The following AKAP13 variants were observed in gnomAD, a reference collection of about 807,000 sequenced individuals.
AKAP13 encodes the protein A-kinase anchoring protein 13, also known as A-kinase anchor protein 13.
AKAP13 carries 80 observed loss-of-function variants against 264.5 expected under a neutral mutation model. The observed-to-expected ratio is 0.30, with a 90% confidence interval of 0.25 to 0.36. AKAP13 has a LOEUF of 0.36. AKAP13 is among the 10% of genes least tolerant of loss of function. The probability of loss-of-function intolerance (pLI) is 1.00; values close to 1 mark genes in which losing one functional copy is unlikely to be tolerated. For missense variants in AKAP13, 3,712 were observed against 3,435.2 expected, an observed-to-expected ratio of 1.08 and a Z score of -2.01; for synonymous variants, 1,380 against 1,250.2, an observed-to-expected ratio of 1.10 and a Z score of -2.19.
In AKAP13 at chr15:85,580,922, A is replaced by G; in HGVS notation, c.2854A>G (p.Arg952Gly). The G allele has an allele frequency of 1.2e-6, 2 of 1,614,242 alleles. No homozygotes were observed. The highest frequency in any genetic ancestry group is 1.7e-6 in the Non-Finnish European group (2 of 1,180,036). ...LSSGTLQEEQ[R>G]TPPPGQDTQQ... is the part of the protein sequence containing the mutation. ...TTCAGGAACTTTGCAGGAAGAGCAG[A>G]GAACACCACCTCCTGGACAAGATAC... is the stretch of plus-strand genomic sequence containing the variant. The change falls in exon 7 of 37, where the codon AGA (arginine) becomes GGA (glycine). Residue 952 changes from arginine (R) to glycine (G), a missense_variant. This residue lies in a region of AKAP13 where 2,759 missense variants were observed against 2,411.7 expected (regional missense o/e 1.14). Coordinates refer to ENST00000394518, the MANE Select transcript of AKAP13 (RefSeq NM_007200.5).
chr15:85,404,857 T>C (rs2071592411), intron 1 of AKAP13, among the ~76,000 whole-genome samples: 1 of 152,252 alleles, frequency 6.6e-6, no homozygotes, highest in African/African-American at 2.4e-5. Context: ...TGACAAATTG[T>C]TACTATCTTT....
intron 17 of AKAP13, among the ~76,000 whole-genome samples, chr15:85,706,779 GA>G (rs2086292161): frequency 6.6e-6 from 1 of 152,186 alleles, no homozygotes; most frequent in African/African-American, 2.4e-5. Context: ...CCAGAGAGGG[GA>G]TAGAGAAAAA....
At chr15:85,550,552 T>C (rs1293546343) in intron 5 of AKAP13, among the ~76,000 whole-genome samples, 1 of 152,238 alleles carries the variant, frequency 6.6e-6, no homozygotes, top group Non-Finnish European at 1.5e-5. Context: ...CCAAGTGCTA[T>C]TGAGCAAGAT....
chr15:85,686,167 A>G lies in AKAP13; in HGVS notation c.5289+1294A>G, dbSNP rs12915479. ...TCACTGTGTGTGTGTGTGTGTGTGT[A>G]TGTGTGTGTGTGCACGTGCATGCAT... On this transcript the variant is annotated intron_variant, in intron 16 of 36. Transcript: ENST00000394518. 2.9e-3 allele frequency among the ~76,000 whole-genome samples: 309 copies of G among 105,622 alleles called. 2 individuals carry two copies. Among genetic ancestry groups the G allele is most frequent in the Middle Eastern group, 0.015 (3 of 200 alleles). 69.3% of individuals were successfully genotyped at this position (105,622 alleles called of 152,430 possible).
chr15:85,414,184 G>T (rs146379420), intron 1 of AKAP13, among the ~76,000 whole-genome samples: 2 of 152,266 alleles, frequency 1.3e-5, no homozygotes, highest in East Asian at 3.9e-4. Context: ...ATTGTGGCCT[G>T]TGTATAATTG....
At chr15:85,676,913 T>C in intron 14 of AKAP13, 3 of 984,942 alleles carry the variant, frequency 3.0e-6, no homozygotes, top group Non-Finnish European at 3.6e-6. Flanking sequence ...TGTTTCCCCA[T>C]GTGCTGAAGG....
chr15:85,677,354 T>C (rs969549284), intron 14 of AKAP13, among the ~76,000 whole-genome samples: 4 of 152,218 alleles, frequency 2.6e-5, no homozygotes, highest in Admixed American at 1.3e-4. Context: ...AGCACACAGA[T>C]ACCCTCAAAG....
intron 7 of AKAP13, among the ~76,000 whole-genome samples, chr15:85,583,878 G>T (rs1446963001): frequency 6.6e-6 from 1 of 152,170 alleles, no homozygotes; most frequent in African/African-American, 2.4e-5. Context: ...CAGTATATAT[G>T]GGCTTGAGGT....
At chr15:85,740,578 C>G (rs948038593) in intron 34 of AKAP13, 13 of 390,772 alleles carry the variant, frequency 3.3e-5, no homozygotes, top group Non-Finnish European at 4.6e-5. Flanking sequence ...TTATAAGTTT[C>G]TATATTCCGT....
At chr15:85,426,888 A>G (rs548514950) in intron 1 of AKAP13, among the ~76,000 whole-genome samples, 7 of 151,662 alleles carry the variant, frequency 4.6e-5, no homozygotes, top group Non-Finnish European at 7.4e-5. Context: ...TGTGTTGACT[A>G]GAGATTTTAA....
intron 14 of AKAP13, 149 bp downstream of exon 14, chr15:85,669,979 G>C: frequency 2.2e-6 from 1 of 457,862 alleles, no homozygotes; most frequent in South Asian, 4.7e-5. Flanking sequence ...AAACAGAAAA[G>C]GTGGCATAGA....
At chr15:85,572,241 T>C (rs946570397) in intron 5 of AKAP13, among the ~76,000 whole-genome samples, 2 of 152,168 alleles carry the variant, frequency 1.3e-5, no homozygotes, top group African/African-American at 2.4e-5. Context: ...GCAGGTTTTG[T>C]TTTCAGAGAT....
chr15:85,408,853 T>G (rs1158374373), intron 1 of AKAP13, among the ~76,000 whole-genome samples: 1 of 151,766 alleles, frequency 6.6e-6, no homozygotes, highest in Non-Finnish European at 1.5e-5. Flanking sequence ...GAGGTGGACT[T>G]GCTGGATCAT....
Position 85,718,605 on chromosome 15 carries a change from A to G in AKAP13, c.6001+446A>G, listed in dbSNP as rs1465535339. Among the ~76,000 whole-genome samples, 1 of 152,190 alleles carries G rather than the reference A, an allele frequency of 6.6e-6. No individual in the cohort carries two copies. Among genetic ancestry groups the G allele is most frequent in the Non-Finnish European group, 1.5e-5 (1 of 68,032 alleles). ...TAGGACACGTGAAAAATAGAGGAAT[A>G]AGACGAAAACACTTGACCAGGCTCA... On this transcript the variant is annotated intron_variant, in intron 22 of 36. Transcript: ENST00000394518. This position sits in a 1 kb window ranked among gnomAD's most constrained non-coding sequence, Gnocchi z 4.9.
intron 8 of AKAP13, among the ~76,000 whole-genome samples, chr15:85,610,755 C>T (rs1018041122): frequency 3.9e-5 from 6 of 152,190 alleles, no homozygotes; most frequent in Admixed American, 1.3e-4. Context: ...GTGGGTGGAT[C>T]ACCTGAGGTC....
In AKAP13 at chr15:85,483,844, C is replaced by A. The variant is rs1328461257; in HGVS notation, c.-11-1866C>A. Among the ~76,000 whole-genome samples, 8 of 152,106 alleles carry A rather than the reference C, an allele frequency of 5.3e-5. No individual in the cohort carries two copies. The South Asian group carries it at 6.2e-4, about 12-fold the overall frequency. On this transcript the variant is annotated intron_variant, in intron 1 of 36. Transcript: ENST00000394518. Reference sequence around the variant, plus strand: ...ACAAACAAAAAAATTATGAAATTTTCTTTTTTTGCAATTTTTTTTAAAGCT... The same window carrying A: ...ACAAACAAAAAAATTATGAAATTTTATTTTTTTGCAATTTTTTTTAAAGCT...
chr15:85,680,725 TAAA>T (rs1399569533), intron 14 of AKAP13, among the ~76,000 whole-genome samples: 3 of 152,144 alleles, frequency 2.0e-5, no homozygotes, highest in Non-Finnish European at 4.4e-5. Flanking sequence ...CAATAATAGA[TAAA>T]AATAATAACT....
intron 8 of AKAP13, among the ~76,000 whole-genome samples, chr15:85,621,728 C>T (rs780457089): frequency 3.1e-4 from 47 of 152,146 alleles, no homozygotes; most frequent in Non-Finnish European, 4.1e-4. Context: ...TAATTTGAGA[C>T]TTGCCAGGCA....
Position 85,741,620 on chromosome 15 carries a change from GA to G in AKAP13, c.8058+126del, listed in dbSNP as rs373201724. On this transcript the variant is annotated intron_variant, in intron 35 of 36. Coordinates refer to ENST00000394518, the MANE Select transcript of AKAP13 (RefSeq NM_007200.5). The stretch of plus-strand genomic sequence containing the variant: ...TTTTTGGCCAGATGCTCATGCCTGT[GA>G]TCCCAGCACTTTAGGAGGCTGAGGT... 1.5e-3 allele frequency: 2,076 copies of G among 1,375,816 alleles called. 49 individuals carry two copies. The South Asian group carries it at 0.031, about 21-fold the overall frequency. The allele number at this position is 1,375,816 out of a possible 1,614,324, so 85.2% of individuals were successfully genotyped here.
Sources: allele counts gnomAD v4.1 joint callset (sites outside exome capture counted in the v4.1 genomes callset), GRCh38; gene constraint gnomAD v4.1.1; regional missense constraint gnomAD v4.1.1; non-coding constraint Gnocchi (gnomAD v3.1); transcripts MANE v1.5; gene names NCBI Gene and HGNC (gene_info 2026-07-23, HGNC 2026-07-21).